The following PSTPIP1 variants were observed in gnomAD, a reference collection of about 807,000 sequenced individuals.
PSTPIP1 encodes the protein proline-serine-threonine phosphatase-interacting protein 1.
In PSTPIP1, 66 loss-of-function variants were observed where a neutral mutation model predicts 69.6. The ratio of observed to expected loss-of-function variants is 0.95; its 90% confidence interval spans 0.78 to 1.16. The LOEUF (loss-of-function observed/expected upper bound fraction) is 1.16, where lower values mean the gene tolerates loss of function less well. Among genes scored for constraint, PSTPIP1 ranks in the 50% most tolerant of loss-of-function variants. The probability of loss-of-function intolerance (pLI) is 0.00; values close to 1 mark genes in which losing one functional copy is unlikely to be tolerated. For synonymous variants in PSTPIP1, 266 were observed against 222.7 expected (o/e 1.19, Z -1.73); for missense variants, 603 against 557.4 (o/e 1.08, Z -0.82).
In PSTPIP1 at chr15:77,030,600, G is replaced by C. The variant is rs752005551; in HGVS notation, c.642+19G>C. ...CTGTGAGGTGAGTGGCCCACGTGGA[G>C]CCTCGTTTTCCCCAGCTGGGAAGTG... On this transcript the variant is annotated intron_variant, in intron 9 of 14. Coordinates refer to ENST00000558012, the MANE Select transcript of PSTPIP1 (RefSeq NM_003978.5). 6.3e-7 allele frequency: 1 copy of C among 1,581,234 alleles called. No homozygotes were observed. The highest frequency in any genetic ancestry group is 1.1e-5 in the South Asian group (1 of 89,128).
Position 76,995,310 on chromosome 15 carries a change from G to T in PSTPIP1, c.-264G>T. 2 of 1,382,420 alleles carry T rather than the reference G, an allele frequency of 1.4e-6. No individual in the cohort carries two copies. Among genetic ancestry groups the T allele is most frequent in the African/African-American group, 1.5e-5 (1 of 68,528 alleles). 85.6% of individuals were successfully genotyped at this position (1,382,420 alleles called of 1,614,324 possible). A position where few individuals can be genotyped will look rare whatever the true frequency, so the allele number is the denominator to read the frequency against. The stretch of plus-strand genomic sequence containing the variant: ...CGGTGAGGGGCTGGGCTGGACACCA[G>T]GGCCCGCCCTCCCATCACTGAGCTC... On this transcript the variant is annotated 5_prime_UTR_variant, in exon 1 of 15. In the 5' UTR this introduces an upstream ATG that the reference lacks. Coordinates refer to ENST00000558012, the MANE Select transcript of PSTPIP1 (RefSeq NM_003978.5).
intron 9 of PSTPIP1, 30 bp downstream of exon 9, chr15:77,030,611 C>T: frequency 6.4e-7 from 1 of 1,573,298 alleles, no homozygotes; most frequent in Non-Finnish European, 8.7e-7. Flanking sequence ...CCTCGTTTTC[C>T]CCAGCTGGGA....
In PSTPIP1 at chr15:77,027,425, T is replaced by C. The variant is rs2076304764; in HGVS notation, c.355-427T>C. Among the ~76,000 whole-genome samples, 1 of 152,180 alleles carries C rather than the reference T, an allele frequency of 6.6e-6. No individual in the cohort carries two copies. On this transcript the variant is annotated intron_variant, in intron 5 of 14. Transcript: ENST00000558012. The surrounding 1 kb of genome is among the most constrained non-coding windows in gnomAD (Gnocchi z 4.3). ...GTGTGCACAGGAATGCCTGTGATCATGCGTGTGGGCAGCTAGGGATGGGGC... is the reference window on the plus strand; with the variant it reads ...GTGTGCACAGGAATGCCTGTGATCACGCGTGTGGGCAGCTAGGGATGGGGC...
At chr15:77,036,842 G>C (rs573176123) in intron 14 of PSTPIP1, among the ~76,000 whole-genome samples, 1 of 152,274 alleles carries the variant, frequency 6.6e-6, no homozygotes, top group Non-Finnish European at 1.5e-5. Context: ...ACCCAGGTTG[G>C]GGGAGAACTA....
At chr15:77,025,383 G>C in intron 4 of PSTPIP1, 65 bp downstream of exon 4, 4 of 1,580,910 alleles carry the variant, frequency 2.5e-6, no homozygotes, top group South Asian at 1.1e-5. Context: ...GGGTTTGGGG[G>C]GACAGAAGAT....
At chr15:77,010,340 G>A (rs183439834) in intron 1 of PSTPIP1, among the ~76,000 whole-genome samples, 66 of 152,334 alleles carry the variant, frequency 4.3e-4, no homozygotes, top group Non-Finnish European at 1.5e-4. Context: ...TCATGCGTGA[G>A]AGCCCCACCA....
At chr15:76,997,095 T>A (rs892676996) in intron 1 of PSTPIP1, among the ~76,000 whole-genome samples, 1 of 152,078 alleles carries the variant, frequency 6.6e-6, no homozygotes, top group Non-Finnish European at 1.5e-5. Flanking sequence ...TGGGCACAGG[T>A]AGGGGTGGCG....
intron 5 of PSTPIP1, 25 bp downstream of exon 5, chr15:77,025,629 GA>G: frequency 6.6e-7 from 1 of 1,522,540 alleles, no homozygotes; most frequent in Non-Finnish European, 8.9e-7. Flanking sequence ...GGGGGCGGGG[GA>G]GCTGCTCCCC....
At chr15:77,025,238 C>G (rs950645823) in intron 3 of PSTPIP1, 46 bp from the exon 4 acceptor site, 29 of 1,567,436 alleles carry the variant, frequency 1.9e-5, no homozygotes, top group Non-Finnish European at 2.0e-5. Flanking sequence ...ACTGTAGGTT[C>G]CCGCTGTGCT....
At chr15:77,005,453 C>T (rs886503752) in intron 1 of PSTPIP1, among the ~76,000 whole-genome samples, 17 of 152,190 alleles carry the variant, frequency 1.1e-4, no homozygotes, top group African/African-American at 4.1e-4. Flanking sequence ...TACCATTTTC[C>T]TGACCTCATT....
intron 1 of PSTPIP1, among the ~76,000 whole-genome samples, chr15:77,005,299 T>C (rs1408001604): frequency 2.6e-5 from 4 of 151,818 alleles, no homozygotes; most frequent in African/African-American, 9.7e-5. Flanking sequence ...GGCAGGAGAA[T>C]TGCTTGAACC....
At position 77,029,719 on chromosome 15, in the gene PSTPIP1, AAAGT is replaced by A. The variant is rs1422405797; in HGVS notation, c.562+148_562+151del. 5.0e-6 allele frequency: 5 copies of A among 1,004,236 alleles called. No individual in the cohort carries two copies. In the African/African-American group the frequency reaches 8.1e-5, roughly 16 times the overall value. 62.2% of individuals were successfully genotyped at this position (1,004,236 alleles called of 1,614,324 possible). On this transcript the variant is annotated intron_variant, in intron 8 of 14. Transcript: ENST00000558012. Reference sequence around the variant, plus strand: ...GCTCTCATTCCAGATATGTGCCGTCAAAGTAAACGCTGTGTTCCCCCATTCGCCA... The same window carrying A: ...GCTCTCATTCCAGATATGTGCCGTCAAAACGCTGTGTTCCCCCATTCGCCA...
At chr15:77,025,389 A>C in intron 4 of PSTPIP1, 71 bp downstream of exon 4, 1 of 1,579,996 alleles carries the variant, frequency 6.3e-7, no homozygotes, top group Non-Finnish European at 8.7e-7. Context: ...GGGGGGACAG[A>C]AGATGAGGTG....
intron 10 of PSTPIP1, among the ~76,000 whole-genome samples, chr15:77,032,034 TTCC>T (rs1460655135): frequency 1.3e-5 from 2 of 152,206 alleles, no homozygotes; most frequent in East Asian, 3.8e-4. Flanking sequence ...TCCTCTGAGT[TTCC>T]TCATCTATCC....
At chr15:77,015,874 C>A in intron 1 of PSTPIP1, 3 of 453,900 alleles carry the variant, frequency 6.6e-6, no homozygotes, top group South Asian at 4.7e-5. Context: ...CTGCCAGCAG[C>A]CCAAAGCTCT....
chr15:77,028,205 A>G (rs2076329599), intron 6 of PSTPIP1: 2 of 516,962 alleles, frequency 3.9e-6, no homozygotes, highest in Non-Finnish European at 3.5e-6. Flanking sequence ...CCTGAGCTTG[A>G]TCCTGCGAGA....
At chr15:77,034,591 A>C (rs1482852023) in intron 12 of PSTPIP1, among the ~76,000 whole-genome samples, 1 of 148,650 alleles carries the variant, frequency 6.7e-6, no homozygotes, top group Admixed American at 6.8e-5. Context: ...AAATTGGTCC[A>C]CTCCACTCCA....
chr15:77,022,251 C>T (rs767659452), intron 3 of PSTPIP1, among the ~76,000 whole-genome samples: 1 of 152,176 alleles, frequency 6.6e-6, no homozygotes, highest in South Asian at 2.1e-4. Context: ...GCTGGCTCAT[C>T]GTGGGCACAG....
At chr15:77,000,458 G>GATATATATATATATATATAT (rs148680520) in intron 1 of PSTPIP1, among the ~76,000 whole-genome samples, 2 of 139,168 alleles carry the variant, frequency 1.4e-5, no homozygotes, top group African/African-American at 5.6e-5. Flanking sequence ...CATTTAAAGA[G>GATATATATATATATATATAT]AGATATATAT....
Sources: gnomAD v4.1 joint callset for allele counts (sites outside exome capture counted in the v4.1 genomes callset) on GRCh38, gnomAD v4.1.1 for gene constraint, Gnocchi (gnomAD v3.1) non-coding constraint, MANE v1.5 for transcripts, NCBI Gene and HGNC (gene_info 2026-07-23, HGNC 2026-07-21) for gene names.